Variants in RAB31 observed in about 807,000 individuals in gnomAD.
RAB31 encodes the protein RAB31, member RAS oncogene family, also known as ras-related protein Rab-31.
In RAB31, 21 loss-of-function variants were observed where a neutral mutation model predicts 25.6. The ratio of observed to expected loss-of-function variants is 0.82; its 90% confidence interval spans 0.58 to 1.18. The LOEUF is 1.18. Ranked by LOEUF, RAB31 falls within the 50% of genes most tolerant of loss-of-function variation. The pLI is 0.00. For synonymous variants in RAB31, 87 were observed against 84.0 expected (o/e 1.04, Z -0.20); for missense variants, 196 against 250.1 (o/e 0.78, Z 1.46).
At chr18:9,724,127 C>T (rs1446821999) in intron 1 of RAB31, among the ~76,000 whole-genome samples, 8 of 150,746 alleles carry the variant, frequency 5.3e-5, no homozygotes, top group South Asian at 2.1e-4. Flanking sequence ...AAAAATTAGC[C>T]GGGCGTAGTG....
chr18:9,824,216 A>G (rs961459475), intron 5 of RAB31, among the ~76,000 whole-genome samples: 9 of 151,184 alleles, frequency 6.0e-5, no homozygotes, highest in African/African-American at 1.9e-4. Context: ...ATGTGTTTGT[A>G]TGTGTGTGTG....
chr18:9,773,537 C>T (rs2068356300), intron 1 of RAB31, among the ~76,000 whole-genome samples: 1 of 152,214 alleles, frequency 6.6e-6, no homozygotes, highest in Non-Finnish European at 1.5e-5. Context: ...CTGCCTGTCT[C>T]AGAACAGCAG....
chr18:9,732,596 C>G (rs2068129354), intron 1 of RAB31, among the ~76,000 whole-genome samples: 1 of 152,248 alleles, frequency 6.6e-6, no homozygotes, highest in African/African-American at 2.4e-5. Flanking sequence ...AGCCGTGTCT[C>G]CAACCTCTCC....
At chr18:9,719,320 TATATATATAA>T (rs1470898397) in intron 1 of RAB31, among the ~76,000 whole-genome samples, 3 of 73,140 alleles carry the variant, frequency 4.1e-5, no homozygotes, top group African/African-American at 1.6e-4. Context: ...TATATATATA[TATATATATAA>T]ATAAATAAAT....
intron 3 of RAB31, among the ~76,000 whole-genome samples, chr18:9,807,786 C>A (rs2068549660): frequency 6.6e-6 from 1 of 151,940 alleles, no homozygotes; most frequent in East Asian, 1.9e-4. Flanking sequence ...CCAGCCTGGG[C>A]AACATAGCGT....
intron 2 of RAB31, among the ~76,000 whole-genome samples, chr18:9,790,888 A>G (rs1181285484): frequency 1.3e-5 from 2 of 152,236 alleles, no homozygotes; most frequent in Non-Finnish European, 2.9e-5. Flanking sequence ...TTTTTAATGA[A>G]TAGAAAACTT....
At chr18:9,740,733 T>C (rs936959116) in intron 1 of RAB31, among the ~76,000 whole-genome samples, 7 of 151,934 alleles carry the variant, frequency 4.6e-5, no homozygotes, top group Non-Finnish European at 1.0e-4. Context: ...ATTCTTTTGG[T>C]GGGTTAATGT....
At chr18:9,768,157 A>G (rs779393911) in intron 1 of RAB31, among the ~76,000 whole-genome samples, 2 of 152,232 alleles carry the variant, frequency 1.3e-5, no homozygotes, top group Non-Finnish European at 2.9e-5. Context: ...CAGTGCTGCA[A>G]TAAACATACG....
intron 1 of RAB31, among the ~76,000 whole-genome samples, chr18:9,739,125 A>G (rs1172559687): frequency 6.6e-6 from 1 of 152,250 alleles, no homozygotes; most frequent in African/African-American, 2.4e-5. Context: ...AATGCATGAT[A>G]TAGTTGCATA....
At chr18:9,782,911 A>C (rs781154868) in intron 2 of RAB31, among the ~76,000 whole-genome samples, 3 of 151,978 alleles carry the variant, frequency 2.0e-5, no homozygotes, top group Non-Finnish European at 4.4e-5. Flanking sequence ...TGTGGAGATG[A>C]GGTCTCACTG....
intron 1 of RAB31, among the ~76,000 whole-genome samples, chr18:9,752,643 T>A (rs559705473): frequency 2.0e-5 from 3 of 152,364 alleles, no homozygotes; most frequent in Admixed American, 1.3e-4. Flanking sequence ...ATTGAGCAGA[T>A]CCTGACTGAT....
intron 5 of RAB31, among the ~76,000 whole-genome samples, chr18:9,825,045 A>G (rs373151723): frequency 6.6e-6 from 1 of 152,296 alleles, no homozygotes; most frequent in African/African-American, 2.4e-5. Flanking sequence ...CTGGTGGGGC[A>G]GGCCATTCTG....
chr18:9,730,243 T>A (rs2068115886), intron 1 of RAB31, among the ~76,000 whole-genome samples: 1 of 152,160 alleles, frequency 6.6e-6, no homozygotes, highest in Admixed American at 6.6e-5. Context: ...AAAATACGCA[T>A]TTAGTGTCTT....
At chr18:9,760,154 T>A (rs1038794858) in intron 1 of RAB31, among the ~76,000 whole-genome samples, 6 of 54,820 alleles carry the variant, frequency 1.1e-4, no homozygotes, top group Admixed American at 8.9e-4. Context: ...TGAGCTTCTC[T>A]TTCTTTTCTT....
chr18:9,750,913 G>C (rs1568169518), intron 1 of RAB31, among the ~76,000 whole-genome samples: 1 of 152,098 alleles, frequency 6.6e-6, no homozygotes, highest in Non-Finnish European at 1.5e-5. Context: ...TGCTCCCCAG[G>C]GTCAAAACGT....
At chr18:9,709,853 T>C (rs2068007471) in intron 1 of RAB31, among the ~76,000 whole-genome samples, 1 of 152,148 alleles carries the variant, frequency 6.6e-6, no homozygotes, top group Non-Finnish European at 1.5e-5. Flanking sequence ...AGACATAAAT[T>C]CCAGGAATCC....
intron 5 of RAB31, among the ~76,000 whole-genome samples, chr18:9,832,375 C>G (rs2068683018): frequency 6.6e-6 from 1 of 152,190 alleles, no homozygotes. Flanking sequence ...TCCTGAACAT[C>G]CTGGAATGAC....
chr18:9,827,667 A>T (rs1250378713), intron 5 of RAB31, among the ~76,000 whole-genome samples: 1 of 152,192 alleles, frequency 6.6e-6, no homozygotes, highest in Non-Finnish European at 1.5e-5. Flanking sequence ...TTCCTGGAGT[A>T]GAGGTCATAC....
chr18:9,802,138 G>T (rs1477171921), intron 3 of RAB31, among the ~76,000 whole-genome samples: 1 of 152,090 alleles, frequency 6.6e-6, no homozygotes, highest in Non-Finnish European at 1.5e-5. Flanking sequence ...TCTTTTTCAA[G>T]ATTGTTTTAG....
Sources: allele counts gnomAD v4.1 joint callset (sites outside exome capture counted in the v4.1 genomes callset), GRCh38; gene constraint gnomAD v4.1.1; transcripts MANE v1.5; gene names NCBI Gene and HGNC (gene_info 2026-07-23, HGNC 2026-07-21).